Variants in HS3ST3A1 observed in about 807,000 individuals in gnomAD.
HS3ST3A1 encodes the protein heparan sulfate glucosamine 3-O-sulfotransferase 3A1.
HS3ST3A1 carries 19 observed loss-of-function variants against 25.7 expected under a neutral mutation model. The ratio of observed to expected loss-of-function variants is 0.74; its 90% CI spans 0.52 to 1.08. HS3ST3A1 has a LOEUF of 1.08. Ranked by LOEUF, HS3ST3A1 falls within the 50% of genes least tolerant of loss-of-function variation. HS3ST3A1 has a pLI of 0.00. For synonymous variants in HS3ST3A1, 226 were observed against 278.6 expected, an observed-to-expected ratio of 0.81 and a Z score of 1.88; for missense variants, 459 against 594.3, an observed-to-expected ratio of 0.77 and a Z score of 2.37.
intron 1 of HS3ST3A1, among the ~76,000 whole-genome samples, chr17:13,561,605 G>T (rs1489321932): frequency 1.3e-5 from 2 of 152,010 alleles, no homozygotes; most frequent in Non-Finnish European, 2.9e-5. Flanking sequence ...TGTTGGCCAG[G>T]CTGGTCTCGA....
intron 1 of HS3ST3A1, among the ~76,000 whole-genome samples, chr17:13,550,276 C>G (rs1189367095): frequency 1.3e-5 from 2 of 152,190 alleles, no homozygotes; most frequent in Non-Finnish European, 2.9e-5. Flanking sequence ...GTTCACCCAG[C>G]CTATTCCCTC....
chr17:13,524,023 C>A (rs1357286251), intron 1 of HS3ST3A1, among the ~76,000 whole-genome samples: 1 of 152,094 alleles, frequency 6.6e-6, no homozygotes, highest in African/African-American at 2.4e-5. Flanking sequence ...TCATTTGGCT[C>A]TTACATACAT....
chr17:13,556,853 A>T, intron 1 of HS3ST3A1, among the ~76,000 whole-genome samples: 1 of 150,640 alleles, frequency 6.6e-6, no homozygotes, highest in Admixed American at 6.6e-5. Flanking sequence ...CTCCGCCTAA[A>T]AAAAAAAAAA....
At chr17:13,600,177 A>G (rs1205772656) in intron 1 of HS3ST3A1, among the ~76,000 whole-genome samples, 3 of 152,150 alleles carry the variant, frequency 2.0e-5, no homozygotes, top group Admixed American at 6.5e-5. Context: ...GGAGAAGGCA[A>G]TCTATTAATT....
chr17:13,555,317 T>C lies in HS3ST3A1; in HGVS notation c.599+45214A>G, dbSNP rs569762187. Reference sequence around the variant, plus strand: ...AATGGAACAGGTGGAGGAAGAAATGTAATCTACTTTTGTATAAAGGGGTGT... The same window carrying C: ...AATGGAACAGGTGGAGGAAGAAATGCAATCTACTTTTGTATAAAGGGGTGT... On this transcript the variant is annotated intron_variant, in intron 1 of 1. Transcript: ENST00000284110. 2.0e-5 allele frequency among the ~76,000 whole-genome samples: 3 copies of C among 152,322 alleles called. No individual in the cohort carries two copies. In the East Asian group the frequency reaches 5.8e-4, roughly 29 times the overall value.
chr17:13,503,037 G>A (rs1286990917), intron 1 of HS3ST3A1, among the ~76,000 whole-genome samples: 1 of 151,866 alleles, frequency 6.6e-6, no homozygotes, highest in Non-Finnish European at 1.5e-5. Flanking sequence ...AATTAGCTGG[G>A]CGTGTTGGCG....
Position 13,600,941 on chromosome 17 carries a change from C to T in HS3ST3A1, c.189G>A (p.Ala63=). ...VVGLSGGGEE[A]GAPGGGVLAG... ...CCAGGACGCCGCCACCAGGGGCCCCCGCCTCCTCGCCGCCGCCGGACAGCC... is the reference window on the plus strand; with the variant it reads ...CCAGGACGCCGCCACCAGGGGCCCCTGCCTCCTCGCCGCCGCCGGACAGCC... Residue 63 remains alanine, a synonymous_variant, in exon 1 of 2, where the codon GCG becomes GCA. Transcript: ENST00000284110. The T allele has an allele frequency of 6.5e-7, 1 of 1,534,466 alleles. No individual in the cohort carries two copies. Among genetic ancestry groups the T allele is most frequent in the East Asian group, 2.6e-5 (1 of 38,544 alleles).
intron 1 of HS3ST3A1, among the ~76,000 whole-genome samples, chr17:13,525,404 T>C (rs1218939837): frequency 6.6e-6 from 1 of 152,178 alleles, no homozygotes; most frequent in African/African-American, 2.4e-5. Context: ...GCATTATTTT[T>C]TTTTTCCTCT....
intron 1 of HS3ST3A1, among the ~76,000 whole-genome samples, chr17:13,571,803 A>G (rs936694437): frequency 6.6e-6 from 1 of 152,200 alleles, no homozygotes; most frequent in African/African-American, 2.4e-5. Context: ...TCCGTTGCCC[A>G]GGCTGGAGTG....
intron 1 of HS3ST3A1, among the ~76,000 whole-genome samples, chr17:13,578,517 C>T (rs368309839): frequency 1.4e-4 from 21 of 146,468 alleles, no homozygotes; most frequent in African/African-American, 5.4e-4. Flanking sequence ...GAGCCAAGAT[C>T]GTGCCACTGC....
At chr17:13,552,129 G>C (rs931395397) in intron 1 of HS3ST3A1, among the ~76,000 whole-genome samples, 3 of 151,864 alleles carry the variant, frequency 2.0e-5, no homozygotes, top group Non-Finnish European at 4.4e-5. Context: ...GCCCAGGCTG[G>C]AGTGCAGTGG....
chr17:13,511,181 C>G (rs551621641), intron 1 of HS3ST3A1, among the ~76,000 whole-genome samples: 1 of 152,302 alleles, frequency 6.6e-6, no homozygotes, highest in East Asian at 1.9e-4. Context: ...CATACACACA[C>G]AAATTTATTA....
At chr17:13,538,956 C>T (rs1359935419) in intron 1 of HS3ST3A1, among the ~76,000 whole-genome samples, 1 of 152,168 alleles carries the variant, frequency 6.6e-6, no homozygotes, top group Non-Finnish European at 1.5e-5. Flanking sequence ...AGAAAGGGCT[C>T]AGCTAAGTGA....
At chr17:13,589,735 A>G (rs1245532436) in intron 1 of HS3ST3A1, among the ~76,000 whole-genome samples, 1 of 152,228 alleles carries the variant, frequency 6.6e-6, no homozygotes, top group African/African-American at 2.4e-5. Context: ...TGTCTGTGAA[A>G]TGAAATCACT....
At chr17:13,522,855 C>T (rs8077943) in intron 1 of HS3ST3A1, among the ~76,000 whole-genome samples, 1 of 92,660 alleles carries the variant, frequency 1.1e-5, no homozygotes, top group Non-Finnish European at 2.4e-5. Flanking sequence ...CACAGAGAGA[C>T]ACACACACAC....
At chr17:13,545,964 GA>G (rs1244530624) in intron 1 of HS3ST3A1, among the ~76,000 whole-genome samples, 1 of 151,952 alleles carries the variant, frequency 6.6e-6, no homozygotes, top group East Asian at 1.9e-4. Context: ...GTGACAGAGC[GA>G]GTCTCCTTCT....
chr17:13,547,822 A>T (rs1907128549), intron 1 of HS3ST3A1, among the ~76,000 whole-genome samples: 1 of 151,644 alleles, frequency 6.6e-6, no homozygotes, highest in African/African-American at 2.4e-5. Flanking sequence ...GCCTTGTGGG[A>T]GGGACTGAGC....
chr17:13,564,040 T>C (rs925127772), intron 1 of HS3ST3A1, among the ~76,000 whole-genome samples: 2 of 152,176 alleles, frequency 1.3e-5, no homozygotes, highest in Non-Finnish European at 2.9e-5. Context: ...TGAATTACCA[T>C]TGCTCTTCAG....
intron 1 of HS3ST3A1, among the ~76,000 whole-genome samples, chr17:13,580,847 C>T (rs1203472071): frequency 2.0e-5 from 3 of 152,062 alleles, no homozygotes; most frequent in Non-Finnish European, 4.4e-5. Context: ...GCCGAGATCA[C>T]GCCATTGCAC....
Sources: gnomAD v4.1 joint callset for allele counts (sites outside exome capture counted in the v4.1 genomes callset) on GRCh38, gnomAD v4.1.1 for gene constraint, MANE v1.5 for transcripts, NCBI Gene and HGNC (gene_info 2026-07-23, HGNC 2026-07-21) for gene names.